Variants in CASP9 observed in about 807,000 individuals in gnomAD.
CASP9 encodes caspase-9.
A neutral mutation model predicts 43.5 loss-of-function variants in CASP9; 29 were observed. The observed-to-expected ratio is 0.67, with a 90% CI of 0.50 to 0.91. The LOEUF (loss-of-function observed/expected upper bound fraction) is 0.91, where lower values mean the gene tolerates loss of function less well. Ranked by LOEUF, CASP9 falls within the 40% of genes least tolerant of loss-of-function variation. The pLI is 0.00. For synonymous variants in CASP9, 206 were observed against 211.9 expected, an observed-to-expected ratio of 0.97 and a Z score of 0.24; for missense variants, 575 against 537.4, an observed-to-expected ratio of 1.07 and a Z score of -0.69.
In CASP9 at chr1:15,491,882, G is replaced by A. The variant is rs1454000057; in HGVS notation, c.*1061C>T. 2 of 153,728 alleles carry A rather than the reference G, an allele frequency of 1.3e-5. No individual in the cohort carries two copies. Among genetic ancestry groups the A allele is most frequent in the Non-Finnish European group, 2.9e-5 (2 of 69,078 alleles). 9.5% of individuals were successfully genotyped at this position (153,728 alleles called of 1,614,324 possible). A position where few individuals can be genotyped will look rare whatever the true frequency, so the allele number is the denominator to read the frequency against. On this transcript the variant is annotated 3_prime_UTR_variant, in exon 9 of 9. Transcript: ENST00000333868. Reference sequence around the variant, plus strand: ...GCACAGCACGTTCACACTGCAGTCCGGGGGTGCTTCAGCAAGTAAGGCACA... The same window carrying A: ...GCACAGCACGTTCACACTGCAGTCCAGGGGTGCTTCAGCAAGTAAGGCACA...
intron 6 of CASP9, among the ~76,000 whole-genome samples, chr1:15,498,036 G>A (rs1054363816): frequency 6.6e-6 from 1 of 152,218 alleles, no homozygotes; most frequent in Non-Finnish European, 1.5e-5. Flanking sequence ...GGACCATTCA[G>A]TGGGGAGAGG....
chr1:15,502,278 G>A (rs1381367215), intron 6 of CASP9, among the ~76,000 whole-genome samples: 26 of 152,156 alleles, frequency 1.7e-4, no homozygotes, highest in Admixed American at 1.7e-3. Context: ...AAGAAAGGGG[G>A]TGTTTAGGGA....
At chr1:15,497,715 C>T (rs1236202036) in intron 6 of CASP9, among the ~76,000 whole-genome samples, 1 of 151,858 alleles carries the variant, frequency 6.6e-6, no homozygotes. Flanking sequence ...TTAAAGATCT[C>T]AATACTACCC....
Position 15,492,687 on chromosome 1 carries a change from C to T in CASP9, c.*256G>A. 1.9e-6 allele frequency: 1 copy of T among 536,128 alleles called. No homozygotes were observed. Among genetic ancestry groups the T allele is most frequent in the South Asian group, 2.5e-5 (1 of 40,690 alleles). 33.2% of individuals were successfully genotyped at this position (536,128 alleles called of 1,614,324 possible). ...CACAGGGATCATGGGACACAAGTCA[C>T]TAGCCCTGGACCAGCCACTGCTCAA... On this transcript the variant is annotated 3_prime_UTR_variant, in exon 9 of 9. Transcript: ENST00000333868.
In CASP9 at chr1:15,491,586, T is replaced by C; in HGVS notation, c.*1357A>G. The C allele has an allele frequency of 2.5e-6, 1 of 405,910 alleles. No individual in the cohort carries two copies. Among genetic ancestry groups the C allele is most frequent in the Non-Finnish European group, 4.5e-6 (1 of 220,080 alleles). The allele number at this position is 405,910 out of a possible 1,614,324, so 25.1% of individuals were successfully genotyped here. On this transcript the variant is annotated 3_prime_UTR_variant, in exon 9 of 9. Coordinates refer to ENST00000333868, the MANE Select transcript of CASP9 (RefSeq NM_001229.5). ...CAGCCTGAGTAACATGGCATAACTC[T>C]GTCTCTACTAAAAATACAAAAATTA...
chr1:15,520,396 T>C (rs1239511858), intron 1 of CASP9, among the ~76,000 whole-genome samples: 1 of 152,242 alleles, frequency 6.6e-6, no homozygotes, highest in East Asian at 1.9e-4. Flanking sequence ...AAATTAGGTA[T>C]AGAGATGATC....
At chr1:15,500,685 C>T (rs569535705) in intron 6 of CASP9, among the ~76,000 whole-genome samples, 41 of 152,274 alleles carry the variant, frequency 2.7e-4, no homozygotes, top group African/African-American at 9.4e-4. Flanking sequence ...TTGGTAGAGA[C>T]TCCGGAATCT....
chr1:15,516,859 C>T (rs985880442), intron 2 of CASP9, among the ~76,000 whole-genome samples: 1 of 152,238 alleles, frequency 6.6e-6, no homozygotes, highest in East Asian at 1.9e-4. Flanking sequence ...GCAGACAGAA[C>T]AGGTAAGCCC....
chr1:15,524,232 TC>T, upstream of CASP9: 3 of 1,528,340 alleles, frequency 2.0e-6, no homozygotes, highest in Non-Finnish European at 2.6e-6. Flanking sequence ...CCAGGCCGCC[TC>T]AGTCCGCTTC....
At chr1:15,495,571 G>C in intron 6 of CASP9, 119 bp from the exon 7 acceptor site, 2 of 937,710 alleles carry the variant, frequency 2.1e-6, no homozygotes, top group South Asian at 2.3e-5. Flanking sequence ...TAAATCTTGG[G>C]ACCCCAAACT....
intron 2 of CASP9, among the ~76,000 whole-genome samples, chr1:15,510,778 T>C (rs986035365): frequency 6.6e-6 from 1 of 152,032 alleles, no homozygotes; most frequent in Non-Finnish European, 1.5e-5. Flanking sequence ...TGAGACCAGT[T>C]TCTCCTGAAA....
intron 2 of CASP9, among the ~76,000 whole-genome samples, chr1:15,517,387 G>A (rs1036139504): frequency 1.3e-5 from 2 of 152,130 alleles, no homozygotes; most frequent in African/African-American, 2.4e-5. Context: ...GATCTCTGGC[G>A]ATAGAGATGA....
rs4646042 is a variant in CASP9 at position 15,505,930 on chromosome 1, C to G, written c.720+60G>C. 31 of 1,355,928 alleles carry G rather than the reference C, an allele frequency of 2.3e-5. No homozygotes were observed. In the African/African-American group the frequency reaches 3.6e-4, roughly 16 times the overall value. 84.0% of individuals were successfully genotyped at this position (1,355,928 alleles called of 1,614,324 possible). The stretch of plus-strand genomic sequence containing the variant: ...CACAAGAAGGGACATGGCCCCTGCA[C>G]AGCCTCTTGGCACGGCCAGTACCCA... On this transcript the variant is annotated intron_variant, in intron 5 of 8. Coordinates refer to ENST00000333868, the MANE Select transcript of CASP9 (RefSeq NM_001229.5).
upstream of CASP9, chr1:15,524,422 G>A (rs1425788295): frequency 2.3e-5 from 27 of 1,191,006 alleles, no homozygotes; most frequent in African/African-American, 5.4e-5. Flanking sequence ...GCACCTCTGC[G>A]CCTCGCCCCG....
intron 6 of CASP9, among the ~76,000 whole-genome samples, chr1:15,498,079 TTTTTTG>T (rs914062351): frequency 4.6e-5 from 7 of 151,816 alleles, no homozygotes; most frequent in South Asian, 2.1e-4. Flanking sequence ...TGGGGGATTG[TTTTTTG>T]TTTTTGTTTT....
In CASP9 at chr1:15,505,981, G is replaced by A. The variant is rs2308936; in HGVS notation, c.720+9C>T. 6.5e-3 allele frequency: 10,455 copies of A among 1,610,982 alleles called. 63 individuals are homozygous for A. The highest frequency in any genetic ancestry group is 8.0e-3 in the Non-Finnish European group (9,447 of 1,177,052). On this transcript the variant is annotated intron_variant, in intron 5 of 8. Coordinates refer to ENST00000333868, the MANE Select transcript of CASP9 (RefSeq NM_001229.5). ...ATGCCTGCCCAGGGAACAGTGGGAG[G>A]CTTCCTACCTGACAGCCGTGAGAGA...
At chr1:15,506,175 A>G (rs1015246905) in intron 4 of CASP9, 96 bp from the exon 5 acceptor site, 11 of 827,234 alleles carry the variant, frequency 1.3e-5, no homozygotes, top group Non-Finnish European at 2.1e-5. Context: ...CTGGCCAGGC[A>G]TGGTGGTTCA....
At position 15,501,758 on chromosome 1, in the gene CASP9, A is replaced by T. The variant is rs549279977; in HGVS notation, c.868+2853T>A. ...CTACATTATGCCAAATTTGGCTCAT[A>T]TTTTTTTTTTATTTTTTATTTTTTT... is the stretch of plus-strand genomic sequence containing the variant. On this transcript the variant is annotated intron_variant, in intron 6 of 8. Transcript: ENST00000333868. Among the ~76,000 whole-genome samples the T allele has an allele frequency of 4.7e-4, 71 of 150,316 alleles. 1 individual carries two copies. The highest frequency in any genetic ancestry group is 4.4e-3 in the South Asian group (21 of 4,758).
At chr1:15,514,245 A>C (rs1709870934) in intron 2 of CASP9, among the ~76,000 whole-genome samples, 1 of 152,190 alleles carries the variant, frequency 6.6e-6, no homozygotes, top group South Asian at 2.1e-4. Context: ...ACATTGTCAA[A>C]TGTCCCTTGG....
Sources: allele counts gnomAD v4.1 joint callset (sites outside exome capture counted in the v4.1 genomes callset), GRCh38; gene constraint gnomAD v4.1.1; transcripts MANE v1.5; gene names NCBI Gene and HGNC (gene_info 2026-07-23, HGNC 2026-07-21).